KCNJ3: variants seen among roughly 807,000 people sequenced by gnomAD.
KCNJ3 encodes potassium inwardly rectifying channel subfamily J member 3.
In KCNJ3, 4 loss-of-function variants were observed where a neutral mutation model predicts 39.2. The ratio of observed to expected loss-of-function variants is 0.10; its 90% CI spans 0.05 to 0.23. KCNJ3 has a LOEUF of 0.23. Ranked by LOEUF, KCNJ3 falls within the 10% of genes least tolerant of loss-of-function variation. The pLI, the probability that KCNJ3 is intolerant of heterozygous loss-of-function variation, is 1.00. For missense variants in KCNJ3, 276 were observed against 634.9 expected (o/e 0.43, Z 6.08); for synonymous variants, 230 against 237.4 (o/e 0.97, Z 0.29).
At chr2:154,782,056 T>C (rs1208783479) in intron 2 of KCNJ3, among the ~76,000 whole-genome samples, 4 of 152,172 alleles carry the variant, frequency 2.6e-5, no homozygotes, top group Non-Finnish European at 2.9e-5. Context: ...GTGTATACAA[T>C]TATTGTTTAG....
chr2:154,770,766 A>T (rs944575790), intron 2 of KCNJ3, among the ~76,000 whole-genome samples: 4 of 152,172 alleles, frequency 2.6e-5, no homozygotes, highest in African/African-American at 9.6e-5. Flanking sequence ...TCTATAACAA[A>T]ATACTCAAGA....
At chr2:154,836,428 G>GTT (rs201373171) in intron 2 of KCNJ3, among the ~76,000 whole-genome samples, 3 of 150,084 alleles carry the variant, frequency 2.0e-5, no homozygotes, top group Middle Eastern at 3.4e-3. Context: ...GTGATTTTCT[G>GTT]TTTTTTTTTC....
Position 154,754,283 on chromosome 2 carries a change from T to G in KCNJ3, c.919+44464T>G, listed in dbSNP as rs190366053. Among the ~76,000 whole-genome samples the G allele has an allele frequency of 2.9e-3, 436 of 152,344 alleles. 2 individuals are homozygous for G. Among genetic ancestry groups the G allele is most frequent in the African/African-American group, 0.01 (421 of 41,572 alleles). On this transcript the variant is annotated intron_variant, in intron 2 of 2. Coordinates refer to ENST00000295101, the MANE Select transcript of KCNJ3 (RefSeq NM_002239.4). ...TATGTGAACATTTCTTTTTTTCTTT[T>G]TTTGAAACGGAGTTTCTCTGTTGTT... is the stretch of plus-strand genomic sequence containing the variant.
At chr2:154,774,143 G>A (rs918445381) in intron 2 of KCNJ3, among the ~76,000 whole-genome samples, 1 of 152,062 alleles carries the variant, frequency 6.6e-6, no homozygotes, top group African/African-American at 2.4e-5. Flanking sequence ...ACTCTCATTT[G>A]ACAATCATAA....
At chr2:154,730,255 C>A (rs563392719) in intron 2 of KCNJ3, among the ~76,000 whole-genome samples, 1 of 152,118 alleles carries the variant, frequency 6.6e-6, no homozygotes, top group South Asian at 2.1e-4. Context: ...CTGACTCCAA[C>A]TGGAAGAGTT....
chr2:154,818,013 C>G lies in KCNJ3; in HGVS notation c.920-36714C>G, dbSNP rs776484305. Among the ~76,000 whole-genome samples the G allele has an allele frequency of 2.0e-5, 3 of 152,194 alleles. No individual in the cohort carries two copies. The East Asian group carries it at 5.8e-4, about 29-fold the overall frequency. ...TATAATCATTTTTATACTATTATCT[C>G]TCTCTCCATGTTCTTATATGAAAAT... On this transcript the variant is annotated intron_variant, in intron 2 of 2. Transcript: ENST00000295101.
At chr2:154,740,133 A>C (rs943829099) in intron 2 of KCNJ3, among the ~76,000 whole-genome samples, 5 of 152,050 alleles carry the variant, frequency 3.3e-5, no homozygotes, top group African/African-American at 1.2e-4. Flanking sequence ...TTGAGTTAAC[A>C]ATTTTTGTTA....
chr2:154,763,310 C>T (rs376392314), intron 2 of KCNJ3, among the ~76,000 whole-genome samples: 46 of 152,226 alleles, frequency 3.0e-4, no homozygotes, highest in African/African-American at 1.1e-3. Flanking sequence ...ATTGGATTTT[C>T]TCTAGGTGGG....
intron 2 of KCNJ3, among the ~76,000 whole-genome samples, chr2:154,847,533 TAATAG>T (rs1428491646): frequency 1.3e-5 from 2 of 151,600 alleles, no homozygotes; most frequent in African/African-American, 2.4e-5. Context: ...TTGAAGTAAA[TAATAG>T]AATAGATTTA....
chr2:154,798,182 A>G (rs1481739686), intron 2 of KCNJ3, among the ~76,000 whole-genome samples: 5 of 137,084 alleles, frequency 3.6e-5, no homozygotes, highest in African/African-American at 1.4e-4. Context: ...CCATCATTCG[A>G]ACACCGCACA....
chr2:154,827,252 C>G (rs1461207472), intron 2 of KCNJ3, among the ~76,000 whole-genome samples: 1 of 152,158 alleles, frequency 6.6e-6, no homozygotes, highest in East Asian at 1.9e-4. Context: ...GCAAAGCGCT[C>G]TAGGCATAGA....
intron 2 of KCNJ3, among the ~76,000 whole-genome samples, chr2:154,838,717 C>T (rs1687515534): frequency 7.3e-6 from 1 of 137,232 alleles, no homozygotes; most frequent in Admixed American, 7.0e-5. Context: ...CATTGTAAAG[C>T]ATGACATTGT....
intron 2 of KCNJ3, among the ~76,000 whole-genome samples, chr2:154,840,019 T>A (rs1687548179): frequency 1.3e-5 from 2 of 152,228 alleles, no homozygotes; most frequent in Admixed American, 1.3e-4. Context: ...CCCATTCCTG[T>A]GTCCTGAATG....
chr2:154,805,846 A>T (rs1686901355), intron 2 of KCNJ3, among the ~76,000 whole-genome samples: 1 of 152,168 alleles, frequency 6.6e-6, no homozygotes, highest in Non-Finnish European at 1.5e-5. Flanking sequence ...AGTGAGTTAT[A>T]ACCAGAATTA....
intron 2 of KCNJ3, among the ~76,000 whole-genome samples, chr2:154,780,849 A>G (rs754868606): frequency 3.9e-5 from 6 of 152,216 alleles, no homozygotes; most frequent in Non-Finnish European, 5.9e-5. Context: ...TGGTAGGAAG[A>G]ATAATGGCTG....
chr2:154,832,378 TTTAG>T (rs1235139580), intron 2 of KCNJ3, among the ~76,000 whole-genome samples: 3 of 152,218 alleles, frequency 2.0e-5, no homozygotes, highest in Non-Finnish European at 4.4e-5. Flanking sequence ...GTTTTGAATG[TTTAG>T]TTAATGTTCC....
At chr2:154,834,426 A>G (rs1175756299) in intron 2 of KCNJ3, among the ~76,000 whole-genome samples, 2 of 152,146 alleles carry the variant, frequency 1.3e-5, no homozygotes, top group African/African-American at 2.4e-5. Flanking sequence ...ATTATATTAC[A>G]AGGATTTGAA....
chr2:154,836,230 A>C (rs200939668), intron 2 of KCNJ3, among the ~76,000 whole-genome samples: 6 of 19,722 alleles, frequency 3.0e-4, no homozygotes, highest in Admixed American at 8.7e-4. Flanking sequence ...AAAAAAAAAC[A>C]AAAAAAAAAA....
intron 2 of KCNJ3, among the ~76,000 whole-genome samples, chr2:154,745,127 T>G (rs1685718841): frequency 6.6e-6 from 1 of 151,936 alleles, no homozygotes. Context: ...TGCTGAGGCT[T>G]GTTCTATGGT....
Sources: allele counts gnomAD v4.1 joint callset (sites outside exome capture counted in the v4.1 genomes callset), GRCh38; gene constraint gnomAD v4.1.1; transcripts MANE v1.5; gene names NCBI Gene and HGNC (gene_info 2026-07-23, HGNC 2026-07-21).